PUS7: variants seen among roughly 807,000 people sequenced by gnomAD.
The protein encoded by PUS7 is pseudouridine synthase 7.
PUS7 carries 48 observed loss-of-function variants against 79.8 expected under a neutral mutation model. The ratio of observed to expected loss-of-function variants is 0.60; its 90% CI spans 0.48 to 0.76. The LOEUF (loss-of-function observed/expected upper bound fraction) is 0.76. PUS7 is among the 30% of genes least tolerant of loss of function. The pLI is 0.00. For missense variants in PUS7, 729 were observed against 797.6 expected (o/e 0.91, Z 1.04); for synonymous variants, 286 against 272.2 (o/e 1.05, Z -0.50).
At chr7:105,508,033 A>G in intron 2 of PUS7, 82 bp downstream of exon 2, 2 of 1,443,628 alleles carry the variant, frequency 1.4e-6, no homozygotes, top group Non-Finnish European at 9.2e-7. Flanking sequence ...TGGAAAGCTA[A>G]GTGGAAGAAT....
intron 6 of PUS7, among the ~76,000 whole-genome samples, 159 bp downstream of exon 6, chr7:105,494,973 TAAAAAAAAAA>T (rs1200372702): frequency 1.2e-5 from 1 of 85,880 alleles, no homozygotes; most frequent in African/African-American, 4.3e-5. Context: ...TGAGACTGTC[TAAAAAAAAAA>T]AAAAAAAAAG....
At chr7:105,498,980 GCCTAA>G (rs1022867430) in intron 5 of PUS7, among the ~76,000 whole-genome samples, 1 of 152,108 alleles carries the variant, frequency 6.6e-6, no homozygotes, top group African/African-American at 2.4e-5. Flanking sequence ...CATCTTAAAA[GCCTAA>G]CCTATGTTCC....
chr7:105,470,521 C>A (rs1302738259), intron 11 of PUS7, 167 bp downstream of exon 11: 20 of 648,620 alleles, frequency 3.1e-5, no homozygotes, highest in Non-Finnish European at 4.7e-5. Flanking sequence ...CCCAACATCA[C>A]CACTCAGGGT....
Position 105,472,159 on chromosome 7 carries a change from C to T in PUS7, c.1210G>A (p.Asp404Asn). Residue 404 changes from aspartate to asparagine, a missense_variant, in exon 10 of 16, where the codon GAT (aspartate) becomes AAT (asparagine). By Grantham distance (23) the Asp-to-Asn change is conservative. Coordinates refer to ENST00000469408, the MANE Select transcript of PUS7 (RefSeq NM_019042.5). ...ILQNSWTEVM[D>N]LILKPRSGAE... is the part of the protein sequence containing the mutation. ...CCAGAGCGGGGTTTCAATATTAAATCCATGACTTCTGTCCAGGAATTTTGT... is the reference window on the plus strand; with the variant it reads ...CCAGAGCGGGGTTTCAATATTAAATTCATGACTTCTGTCCAGGAATTTTGT... 9 of 1,600,598 alleles carry T rather than the reference C, an allele frequency of 5.6e-6. No homozygotes were observed. Among genetic ancestry groups the T allele is most frequent in the Non-Finnish European group, 6.0e-6 (7 of 1,169,488 alleles).
At position 105,457,038 on chromosome 7, in the gene PUS7, G is replaced by C. The variant is rs1007842008; in HGVS notation, c.*752C>G. Reference sequence around the variant, plus strand: ...CCCAGCTACTTAGGAGGCTGAGGTGGGAGAGTCACTGGAGCCTGGGAGGTC... The same window carrying C: ...CCCAGCTACTTAGGAGGCTGAGGTGCGAGAGTCACTGGAGCCTGGGAGGTC... On this transcript the variant is annotated 3_prime_UTR_variant, in exon 16 of 16. Coordinates refer to ENST00000469408, the MANE Select transcript of PUS7 (RefSeq NM_019042.5). The C allele has an allele frequency of 6.6e-6, 1 of 152,174 alleles. No individual in the cohort carries two copies. Among genetic ancestry groups the C allele is most frequent in the African/African-American group, 2.4e-5 (1 of 41,428 alleles). 9.4% of individuals were successfully genotyped at this position (152,174 alleles called of 1,614,324 possible). A position where few individuals can be genotyped will look rare whatever the true frequency, so the allele number is the denominator to read the frequency against.
intron 5 of PUS7, among the ~76,000 whole-genome samples, chr7:105,500,247 A>G (rs1305354448): frequency 1.3e-5 from 2 of 152,174 alleles, no homozygotes; most frequent in Non-Finnish European, 2.9e-5. Context: ...GGTGGTTCAC[A>G]TCGCACAGCT....
intron 9 of PUS7, among the ~76,000 whole-genome samples, chr7:105,476,659 A>G (rs1824124973): frequency 6.6e-6 from 1 of 152,042 alleles, no homozygotes; most frequent in Non-Finnish European, 1.5e-5. Context: ...CCTGGCCTAT[A>G]ATTAATTTCT....
intron 9 of PUS7, among the ~76,000 whole-genome samples, chr7:105,480,092 CTCTG>C (rs1424242927): frequency 6.6e-6 from 1 of 152,220 alleles, no homozygotes; most frequent in African/African-American, 2.4e-5. Flanking sequence ...AATGTGACAT[CTCTG>C]TCTGGCTACT....
intron 9 of PUS7, among the ~76,000 whole-genome samples, chr7:105,475,171 C>A (rs1008789515): frequency 5.9e-5 from 9 of 152,046 alleles, no homozygotes; most frequent in African/African-American, 2.2e-4. Flanking sequence ...ATCTAGCACG[C>A]TGCACATTAA....
At position 105,462,725 on chromosome 7, in the gene PUS7, G is replaced by A. The variant is rs746888395; in HGVS notation, c.1653C>T (p.Leu551=). ...HKIQEAYREM[L]TADNLDIDNM... ...TGTCAATATCAAGATTGTCAGCTGT[G>A]AGCATTTCCCTGTAGGCTTCTTGAA... Residue 551 remains leucine (L), a synonymous_variant, in exon 14 of 16, where the codon CTC becomes CTT. Coordinates refer to ENST00000469408, the MANE Select transcript of PUS7 (RefSeq NM_019042.5). The A allele has an allele frequency of 4.3e-6, 7 of 1,613,324 alleles. No homozygotes were observed. The highest frequency in any genetic ancestry group is 4.0e-5 in the African/African-American group (3 of 75,014).
chr7:105,475,666 T>G (rs1824078030), intron 9 of PUS7, among the ~76,000 whole-genome samples: 1 of 152,166 alleles, frequency 6.6e-6, no homozygotes, highest in African/African-American at 2.4e-5. Context: ...TCTTCTACCT[T>G]CTTTTATTTT....
chr7:105,495,051 GCTC>G (rs1824953232), intron 6 of PUS7, 88 bp downstream of exon 6: 1 of 675,600 alleles, frequency 1.5e-6, no homozygotes, highest in African/African-American at 1.8e-5. Context: ...TGTAATCTGT[GCTC>G]CTCCTGCTCC....
intron 13 of PUS7, among the ~76,000 whole-genome samples, chr7:105,463,422 A>G (rs957049475): frequency 2.6e-5 from 4 of 152,170 alleles, no homozygotes; most frequent in Non-Finnish European, 5.9e-5. Flanking sequence ...TCTTCTCTAG[A>G]CCAAACAATG....
At chr7:105,458,084 T>A (rs963288178) in intron 15 of PUS7, among the ~76,000 whole-genome samples, 158 bp from the exon 16 acceptor site, 8 of 152,086 alleles carry the variant, frequency 5.3e-5, no homozygotes, top group African/African-American at 1.9e-4. Flanking sequence ...AAGTAAGAGA[T>A]CTGTGAGTGT....
At chr7:105,516,447 AT>A (rs113288004) in intron 1 of PUS7, among the ~76,000 whole-genome samples, 1,501 of 146,548 alleles carry the variant, frequency 0.01, 21 homozygotes, top group African/African-American at 0.019. Flanking sequence ...CTGAAATGGA[AT>A]TTTTTTTTTT....
At chr7:105,518,485 C>A (rs1353598793) in intron 1 of PUS7, among the ~76,000 whole-genome samples, 3 of 151,824 alleles carry the variant, frequency 2.0e-5, no homozygotes, top group Non-Finnish European at 1.5e-5. Flanking sequence ...TCAATGCAGC[C>A]TCGACCTCCC....
intron 13 of PUS7, among the ~76,000 whole-genome samples, chr7:105,464,816 T>C (rs995596654): frequency 2.1e-4 from 1 of 4,782 alleles, no homozygotes; most frequent in Non-Finnish European, 2.6e-3. Flanking sequence ...CTCTTCCCTT[T>C]TTTTTTTTTT....
intron 7 of PUS7, among the ~76,000 whole-genome samples, chr7:105,486,889 G>A (rs1165223481): frequency 6.6e-6 from 1 of 151,770 alleles, no homozygotes; most frequent in African/African-American, 2.4e-5. Flanking sequence ...GTGAAACCCC[G>A]TGTCTACTAA....
chr7:105,519,502 C>T (rs943586013), intron 1 of PUS7, among the ~76,000 whole-genome samples: 1 of 152,160 alleles, frequency 6.6e-6, no homozygotes, highest in Non-Finnish European at 1.5e-5. Context: ...GCCTCGGCCT[C>T]CCAGAGTGCT....
Sources: allele counts gnomAD v4.1 joint callset (sites outside exome capture counted in the v4.1 genomes callset), GRCh38; gene constraint gnomAD v4.1.1; transcripts MANE v1.5; gene names NCBI Gene and HGNC (gene_info 2026-07-23, HGNC 2026-07-21).